Variants in NCOA2 observed in about 807,000 individuals in gnomAD.
The protein encoded by NCOA2 is nuclear receptor coactivator 2.
A neutral mutation model predicts 145.1 loss-of-function variants in NCOA2; 21 were observed. The ratio of observed to expected loss-of-function variants is 0.14; its 90% CI spans 0.10 to 0.21. The LOEUF (loss-of-function observed/expected upper bound fraction) is 0.21, where lower values mean the gene tolerates loss of function less well. Among genes scored for constraint, NCOA2 ranks in the 10% least tolerant of loss-of-function variants. NCOA2 has a pLI of 1.00. For missense variants in NCOA2, 1,472 were observed against 1,837.6 expected, an observed-to-expected ratio of 0.80 and a Z score of 3.64; for synonymous variants, 619 against 637.5, an observed-to-expected ratio of 0.97 and a Z score of 0.44.
At chr8:70,133,200 C>CTTTTTTTTTTTTTTTTTTTTT (rs57813061) in intron 15 of NCOA2, among the ~76,000 whole-genome samples, 12 of 106,972 alleles carry the variant, frequency 1.1e-4, no homozygotes, top group African/African-American at 4.4e-4. Context: ...CTGGCTGCTA[C>CTTTTTTTTTTTTTTTTTTTTT]TTTTTTTTTT....
rs1806700323 is a variant in NCOA2 at position 70,113,226 on chromosome 8, C to T, written c.*406G>A. 3.9e-6 allele frequency: 1 copy of T among 257,486 alleles called. No homozygotes were observed. The highest frequency in any genetic ancestry group is 7.4e-6 in the Non-Finnish European group (1 of 134,654). The allele number at this position is 257,486 out of a possible 1,614,324, so 16.0% of individuals were successfully genotyped here. On this transcript the variant is annotated 3_prime_UTR_variant, in exon 23 of 23. Transcript: ENST00000452400. ...TAATCTTTTGCACTAGACTGTTAGC[C>T]AGGGAAAACAAAGCAAGAAACCAGT...
the NCOA2 span, among the ~76,000 whole-genome samples, chr8:70,444,394 G>A: frequency 1.3e-5 from 2 of 152,108 alleles, no homozygotes; most frequent in African/African-American, 4.8e-5. Flanking sequence ...TAGCACGAGG[G>A]ATCTTTATGA....
chr8:70,451,094 T>C, the NCOA2 span, among the ~76,000 whole-genome samples: 1 of 149,190 alleles, frequency 6.7e-6, no homozygotes, highest in East Asian at 2.0e-4. Flanking sequence ...GGCGGGCGCC[T>C]GTAGTCCCAG....
rs138119276 is a variant in NCOA2 at position 70,382,336 on chromosome 8, T to C, written c.-77+21364A>G. ...TGACTTCGAAGATCACTTTTCCCAA[T>C]AAAGAAACTGGCAATAATAAATAAA... On this transcript the variant is annotated intron_variant, in intron 1 of 22. Coordinates refer to ENST00000452400, the MANE Select transcript of NCOA2 (RefSeq NM_006540.4). Among the ~76,000 whole-genome samples the C allele has an allele frequency of 5.9e-3, 899 of 152,032 alleles. 5 individuals are homozygous for C. Among genetic ancestry groups the C allele is most frequent in the African/African-American group, 0.02 (839 of 41,490 alleles).
intron 2 of NCOA2, among the ~76,000 whole-genome samples, chr8:70,235,851 A>C (rs62530464): frequency 6.6e-6 from 1 of 152,168 alleles, no homozygotes; most frequent in Non-Finnish European, 1.5e-5. Flanking sequence ...CTCAAAAAAC[A>C]AATTTTTTTT....
chr8:70,403,184 T>C (rs1814523655), intron 1 of NCOA2, among the ~76,000 whole-genome samples: 1 of 151,178 alleles, frequency 6.6e-6, no homozygotes, highest in African/African-American at 2.4e-5. Flanking sequence ...AGAATGCACC[T>C]TCCCAGGATT....
intron 1 of NCOA2, among the ~76,000 whole-genome samples, chr8:70,399,653 A>G (rs1443652764): frequency 6.6e-6 from 1 of 152,264 alleles, no homozygotes. Flanking sequence ...CAGTTTTTTC[A>G]TAACAATAAA....
chr8:70,163,320 G>C (rs569548665), intron 8 of NCOA2, 145 bp downstream of exon 8: 334 of 625,214 alleles, frequency 5.3e-4, no homozygotes, highest in Non-Finnish European at 6.1e-4. Flanking sequence ...CTCTCTCTCC[G>C]GTCCTCCAAC....
At chr8:70,445,197 GA>G in the NCOA2 span, among the ~76,000 whole-genome samples, 1 of 152,078 alleles carries the variant, frequency 6.6e-6, no homozygotes, top group Non-Finnish European at 1.5e-5. Context: ...TGCAAGGGGG[GA>G]AAAAAGCTCA....
intron 4 of NCOA2, among the ~76,000 whole-genome samples, chr8:70,200,974 G>C (rs1019774042): frequency 6.7e-6 from 1 of 148,668 alleles, no homozygotes; most frequent in African/African-American, 2.5e-5. Flanking sequence ...CTTGAGCCCA[G>C]GAAGTCAAGG....
chr8:70,388,434 G>T (rs1812867037), intron 1 of NCOA2, among the ~76,000 whole-genome samples: 1 of 152,152 alleles, frequency 6.6e-6, no homozygotes, highest in Admixed American at 6.5e-5. Flanking sequence ...CACTACAGCA[G>T]CTCTGAGGCC....
chr8:70,165,859 G>A (rs554881815), intron 7 of NCOA2, among the ~76,000 whole-genome samples: 7 of 152,048 alleles, frequency 4.6e-5, no homozygotes, highest in African/African-American at 7.2e-5. Flanking sequence ...TCACTCTGTC[G>A]CCCAGGCTGG....
intron 7 of NCOA2, among the ~76,000 whole-genome samples, chr8:70,165,549 T>C (rs1813512618): frequency 6.6e-6 from 1 of 152,202 alleles, no homozygotes; most frequent in African/African-American, 2.4e-5. Context: ...CAATGCACTC[T>C]TCAACACTGC....
At chr8:70,295,128 A>C (rs2135726028) in intron 2 of NCOA2, among the ~76,000 whole-genome samples, 1 of 152,306 alleles carries the variant, frequency 6.6e-6, no homozygotes, top group South Asian at 2.1e-4. Flanking sequence ...GCACAAAGAA[A>C]ACTGTCATGG....
At chr8:70,216,061 G>T (rs148866532) in intron 3 of NCOA2, among the ~76,000 whole-genome samples, 1 of 152,010 alleles carries the variant, frequency 6.6e-6, no homozygotes. Flanking sequence ...TCATATACAC[G>T]TCATTTTGCA....
At chr8:70,451,237 A>AATATAT in the NCOA2 span, among the ~76,000 whole-genome samples, 45 of 69,506 alleles carry the variant, frequency 6.5e-4, 1 homozygote, top group African/African-American at 1.8e-3. Flanking sequence ...AAAAAAAAAA[A>AATATAT]ATATATATAT....
At chr8:70,263,508 T>C (rs985822508) in intron 2 of NCOA2, among the ~76,000 whole-genome samples, 23 of 152,034 alleles carry the variant, frequency 1.5e-4, no homozygotes, top group Admixed American at 1.3e-3. Flanking sequence ...CCAAAGTTGA[T>C]CTGATATAGA....
intron 1 of NCOA2, among the ~76,000 whole-genome samples, chr8:70,357,862 G>T (rs1214318797): frequency 6.6e-6 from 1 of 151,828 alleles, no homozygotes; most frequent in Non-Finnish European, 1.5e-5. Flanking sequence ...ACCAGCCTGG[G>T]CAACATGGTG....
At chr8:70,440,217 C>T in the NCOA2 span, among the ~76,000 whole-genome samples, 1 of 151,982 alleles carries the variant, frequency 6.6e-6, no homozygotes, top group African/African-American at 2.4e-5. Flanking sequence ...GCAGTGGTTG[C>T]AGTGAGCCAA....
Sources: allele counts gnomAD v4.1 joint callset (sites outside exome capture counted in the v4.1 genomes callset), GRCh38; gene constraint gnomAD v4.1.1; transcripts MANE v1.5; gene names NCBI Gene and HGNC (gene_info 2026-07-23, HGNC 2026-07-21).